NXPE2: variants seen among roughly 807,000 people sequenced by gnomAD.
NXPE2 encodes neurexophilin and PC-esterase domain family member 2.
A neutral mutation model predicts 34.4 loss-of-function variants in NXPE2; 34 were observed. That is an observed-to-expected ratio of 0.99 (90% confidence interval 0.75 to 1.31). The LOEUF (loss-of-function observed/expected upper bound fraction) is 1.31. NXPE2 is among the 40% of genes most tolerant of loss of function. NXPE2 has a pLI of 0.00. For synonymous variants in NXPE2, 235 were observed against 231.3 expected, an observed-to-expected ratio of 1.02 and a Z score of -0.15; for missense variants, 649 against 672.5, an observed-to-expected ratio of 0.97 and a Z score of 0.39.
the NXPE2 span, chr11:114,594,848 AT>A: frequency 1.9e-5 from 15 of 773,880 alleles, no homozygotes; most frequent in South Asian, 3.3e-5. Context: ...AACATTTGAA[AT>A]TTTTTTGGCT....
At chr11:114,541,313 G>T in the NXPE2 span, among the ~76,000 whole-genome samples, 2 of 152,182 alleles carry the variant, frequency 1.3e-5, no homozygotes, top group Admixed American at 6.5e-5. Context: ...AGATAACATA[G>T]ATGTTGGCCT....
the NXPE2 span, among the ~76,000 whole-genome samples, chr11:114,765,670 C>T: frequency 6.6e-6 from 1 of 152,152 alleles, no homozygotes; most frequent in South Asian, 2.1e-4. Context: ...ATTGATCATT[C>T]CCTCACTCTT....
At chr11:114,725,337 G>A in the NXPE2 span, among the ~76,000 whole-genome samples, 3 of 152,054 alleles carry the variant, frequency 2.0e-5, no homozygotes. Context: ...GTTGGAAGCA[G>A]TCATACTCCA....
the NXPE2 span, among the ~76,000 whole-genome samples, chr11:114,601,690 A>AAT: frequency 1.2e-4 from 4 of 32,450 alleles, no homozygotes; most frequent in African/African-American, 4.1e-4. Flanking sequence ...TAGATTATAT[A>AAT]TATTTATAAT....
chr11:114,659,038 C>T, the NXPE2 span, among the ~76,000 whole-genome samples: 733 of 152,240 alleles, frequency 4.8e-3, 3 homozygotes, highest in Non-Finnish European at 8.3e-3. Flanking sequence ...CAATACTCAC[C>T]TTAAGCACCA....
chr11:114,791,853 G>A, the NXPE2 span, among the ~76,000 whole-genome samples: 5 of 152,096 alleles, frequency 3.3e-5, no homozygotes, highest in African/African-American at 1.2e-4. Context: ...TCAGGAGATC[G>A]AGACCATCTG....
At chr11:114,754,505 G>C in the NXPE2 span, among the ~76,000 whole-genome samples, 1 of 152,198 alleles carries the variant, frequency 6.6e-6, no homozygotes. Context: ...ACAAATGTCT[G>C]AGCCTATTAG....
At chr11:114,667,769 GC>G in the NXPE2 span, among the ~76,000 whole-genome samples, 17 of 152,170 alleles carry the variant, frequency 1.1e-4, no homozygotes, top group African/African-American at 3.9e-4. Flanking sequence ...AAATCTTCCA[GC>G]CCCAGTCAGG....
At chr11:114,570,032 A>C in the NXPE2 span, among the ~76,000 whole-genome samples, 3 of 152,130 alleles carry the variant, frequency 2.0e-5, no homozygotes, top group Non-Finnish European at 2.9e-5. Context: ...GTTTCTCTCA[A>C]GATGTAAGAA....
the NXPE2 span, chr11:114,582,734 T>C: frequency 6.2e-7 from 1 of 1,614,122 alleles, no homozygotes; most frequent in Non-Finnish European, 8.5e-7. Context: ...GCTTCCTGCG[T>C]CCCAAGTGGT....
chr11:114,491,846 C>T, the NXPE2 span, among the ~76,000 whole-genome samples: 1 of 152,150 alleles, frequency 6.6e-6, no homozygotes, highest in South Asian at 2.1e-4. Context: ...ATGAAGAGTT[C>T]ATGTCCTTTG....
At chr11:114,623,846 A>C in the NXPE2 span, among the ~76,000 whole-genome samples, 4 of 152,138 alleles carry the variant, frequency 2.6e-5, no homozygotes, top group South Asian at 8.3e-4. Flanking sequence ...GTGGATAATA[A>C]GTGTTGCCTC....
At chr11:114,799,907 T>G in the NXPE2 span, among the ~76,000 whole-genome samples, 1 of 151,836 alleles carries the variant, frequency 6.6e-6, no homozygotes, top group African/African-American at 2.4e-5. Context: ...TCTTTATCCT[T>G]CCTTCTCTCT....
chr11:114,480,856 A>G, the NXPE2 span, among the ~76,000 whole-genome samples: 3 of 152,200 alleles, frequency 2.0e-5, no homozygotes, highest in Non-Finnish European at 2.9e-5. Flanking sequence ...TCAGAACAGT[A>G]TGCTCCTTTT....
the NXPE2 span, among the ~76,000 whole-genome samples, chr11:114,808,409 G>T: frequency 6.6e-6 from 1 of 151,316 alleles, no homozygotes; most frequent in East Asian, 1.9e-4. Context: ...CCAGGAGCTG[G>T]TTTTTTGAAA....
At chr11:114,727,774 A>AACACACACACACACACAC in the NXPE2 span, among the ~76,000 whole-genome samples, 29 of 127,636 alleles carry the variant, frequency 2.3e-4, no homozygotes, top group African/African-American at 3.8e-4. Context: ...ATGTGTACAC[A>AACACACACACACACACAC]ACACACACAC....
chr11:114,569,501 T>C, the NXPE2 span, among the ~76,000 whole-genome samples: 1 of 152,218 alleles, frequency 6.6e-6, no homozygotes, highest in Non-Finnish European at 1.5e-5. Context: ...ATGACTGATA[T>C]TCTGGCTGAA....
chr11:114,505,697 A>G, the NXPE2 span, among the ~76,000 whole-genome samples: 25 of 152,322 alleles, frequency 1.6e-4, no homozygotes, highest in African/African-American at 5.8e-4. Context: ...TCTTACCACC[A>G]GATCTGCCTT....
chr11:114,476,121 T>C, the NXPE2 span, among the ~76,000 whole-genome samples: 1 of 152,198 alleles, frequency 6.6e-6, no homozygotes, highest in Non-Finnish European at 1.5e-5. Flanking sequence ...CTATGGTAAC[T>C]GAAATTTCTG....
Sources: gnomAD v4.1 joint callset for allele counts (sites outside exome capture counted in the v4.1 genomes callset) on GRCh38, gnomAD v4.1.1 for gene constraint, MANE v1.5 for transcripts, NCBI Gene and HGNC (gene_info 2026-07-23, HGNC 2026-07-21) for gene names.